The following C8orf76 variants were observed in gnomAD, a reference collection of about 807,000 sequenced individuals.
C8orf76 encodes the protein chromosome 8 open reading frame 76, also known as uncharacterized protein C8orf76.
In C8orf76, 46 loss-of-function variants were observed where a neutral mutation model predicts 38.1. The observed-to-expected ratio is 1.21, with a 90% confidence interval of 0.95 to 1.54. C8orf76 has a LOEUF of 1.54. C8orf76 is among the 40% of genes most tolerant of loss of function. The probability of loss-of-function intolerance (pLI) is 0.00; values close to 1 mark genes in which losing one functional copy is unlikely to be tolerated. For synonymous variants in C8orf76, 166 were observed against 167.5 expected, an observed-to-expected ratio of 0.99 and a Z score of 0.07; for missense variants, 461 against 441.6, an observed-to-expected ratio of 1.04 and a Z score of -0.39.
chr8:123,240,295 GC>G (rs908186968), intron 1 of C8orf76, among the ~76,000 whole-genome samples: 2 of 152,126 alleles, frequency 1.3e-5, no homozygotes, highest in African/African-American at 4.8e-5. Context: ...ATGATCCAGG[GC>G]TGAAGGTAAC....
intron 4 of C8orf76, among the ~76,000 whole-genome samples, chr8:123,230,249 C>A (rs1317670740): frequency 1.3e-5 from 2 of 152,070 alleles, no homozygotes; most frequent in African/African-American, 2.4e-5. Context: ...ACTTGGTATC[C>A]CTAGGCACAA....
chr8:123,238,397 CCTT>C (rs1233200950), intron 2 of C8orf76, among the ~76,000 whole-genome samples: 1 of 151,606 alleles, frequency 6.6e-6, no homozygotes, highest in Non-Finnish European at 1.5e-5. Flanking sequence ...GTCCATTAAA[CCTT>C]TTTTTTTTTA....
At chr8:123,235,621 G>A (rs890005444) in intron 3 of C8orf76, among the ~76,000 whole-genome samples, 4 of 152,184 alleles carry the variant, frequency 2.6e-5, no homozygotes, top group Admixed American at 1.3e-4. Flanking sequence ...TTGCCAGGAC[G>A]CCTGATGCAC....
intron 1 of C8orf76, among the ~76,000 whole-genome samples, chr8:123,241,027 G>A (rs1347886350): frequency 1.3e-5 from 2 of 152,228 alleles, no homozygotes; most frequent in Admixed American, 6.5e-5. Context: ...CTTACAACGC[G>A]GGGATTCTCG....
intron 3 of C8orf76, among the ~76,000 whole-genome samples, chr8:123,235,715 T>C (rs1422521991): frequency 6.6e-6 from 1 of 152,094 alleles, no homozygotes; most frequent in African/African-American, 2.4e-5. Flanking sequence ...CATCGGCTGA[T>C]TGGCAACAGA....
intron 3 of C8orf76, among the ~76,000 whole-genome samples, chr8:123,235,998 G>C (rs1825461115): frequency 6.6e-6 from 1 of 152,186 alleles, no homozygotes; most frequent in Non-Finnish European, 1.5e-5. Flanking sequence ...TCATGCAAAC[G>C]CTTAGGAAGT....
At position 123,236,485 on chromosome 8, in the gene C8orf76, AT is replaced by A. The variant is rs746333539; in HGVS notation, c.357+1312del. Among the ~76,000 whole-genome samples, 37 of 152,044 alleles carry A rather than the reference AT, an allele frequency of 2.4e-4. 1 individual carries two copies. In the East Asian group the frequency reaches 3.7e-3, roughly 15 times the overall value. ...AGAATGTGTGGAAAAAGGCAATAAA[AT>A]TTTTTTTTAAAGAAAAAGAAGGCCG... On this transcript the variant is annotated intron_variant, in intron 3 of 5. Transcript: ENST00000276704.
At chr8:123,221,568 T>A (rs1824895630) in intron 5 of C8orf76, among the ~76,000 whole-genome samples, 1 of 152,176 alleles carries the variant, frequency 6.6e-6, no homozygotes, top group Non-Finnish European at 1.5e-5. Context: ...CCAAAGTAGC[T>A]GGGACTACAG....
chr8:123,223,650 T>C (rs912307136), intron 5 of C8orf76, among the ~76,000 whole-genome samples: 4 of 152,158 alleles, frequency 2.6e-5, no homozygotes, highest in African/African-American at 9.7e-5. Context: ...AACATACTTA[T>C]ATGCTAATGT....
chr8:123,239,217 A>C, intron 1 of C8orf76, 73 bp from the exon 2 acceptor site: 3 of 1,488,368 alleles, frequency 2.0e-6, no homozygotes, highest in Middle Eastern at 3.5e-4. Flanking sequence ...GCAATTTCCC[A>C]TAATATAATT....
intron 2 of C8orf76, 100 bp downstream of exon 2, chr8:123,238,949 C>T (rs1401294714): frequency 1.6e-6 from 2 of 1,216,904 alleles, no homozygotes; most frequent in African/African-American, 3.0e-5. Flanking sequence ...AGATTAAACT[C>T]ATCTTCATAA....
At chr8:123,229,874 G>A (rs192285351) in intron 4 of C8orf76, among the ~76,000 whole-genome samples, 6 of 152,146 alleles carry the variant, frequency 3.9e-5, no homozygotes, top group Admixed American at 6.5e-5. Context: ...AAAATTAGCC[G>A]GGTGTGGTGG....
At chr8:123,241,061 G>A (rs1380791941) in intron 1 of C8orf76, among the ~76,000 whole-genome samples, 169 bp downstream of exon 1, 4 of 152,230 alleles carry the variant, frequency 2.6e-5, no homozygotes, top group Non-Finnish European at 5.9e-5. Flanking sequence ...AATGGGGCCT[G>A]GGAAAGCCGC....
intron 2 of C8orf76, 80 bp downstream of exon 2, chr8:123,238,969 T>C (rs1825590637): frequency 2.8e-6 from 4 of 1,414,452 alleles, no homozygotes; most frequent in African/African-American, 1.4e-5. Flanking sequence ...AACACCACAC[T>C]AACTTGGTAC....
intron 3 of C8orf76, among the ~76,000 whole-genome samples, chr8:123,233,705 A>G (rs1204165321): frequency 6.7e-6 from 1 of 149,616 alleles, no homozygotes; most frequent in Non-Finnish European, 1.5e-5. Flanking sequence ...GGGTTTTGAG[A>G]GGTGGATTAG....
In C8orf76 at chr8:123,231,765, G is replaced by GAAA. The variant is rs3214807; in HGVS notation, c.358-11_358-9dup. Reference sequence around the variant, plus strand: ...GTTGGTTGCTTTATTTTCCTAAGGAGAAAAAAAAAAGGTTAAGAAGTTTAA... The same window carrying GAAA: ...GTTGGTTGCTTTATTTTCCTAAGGAGAAAAAAAAAAAAAGGTTAAGAAGTTTAA... On this transcript the variant is annotated splice_polypyrimidine_tract_variant and intron_variant, in intron 3 of 5. Transcript: ENST00000276704. 8.6e-6 allele frequency: 12 copies of GAAA among 1,392,102 alleles called. No individual in the cohort carries two copies. The highest frequency in any genetic ancestry group is 4.5e-5 in the African/African-American group (3 of 66,814). 86.2% of individuals were successfully genotyped at this position (1,392,102 alleles called of 1,614,324 possible).
At chr8:123,221,026 T>C (rs1047165809) in intron 5 of C8orf76, among the ~76,000 whole-genome samples, 8 of 152,228 alleles carry the variant, frequency 5.3e-5, no homozygotes, top group Non-Finnish European at 1.0e-4. Flanking sequence ...AGAGGGAATT[T>C]AAGTTCCACA....
intron 5 of C8orf76, among the ~76,000 whole-genome samples, chr8:123,221,399 G>A (rs757626866): frequency 4.6e-5 from 7 of 152,140 alleles, no homozygotes; most frequent in East Asian, 1.9e-4. Context: ...GTTAGAGAAC[G>A]GCCAGGGCAA....
In C8orf76 at chr8:123,230,691, G is replaced by A. The variant is rs541545369; in HGVS notation, c.815+609C>T. Among the ~76,000 whole-genome samples the A allele has an allele frequency of 8.8e-5, 13 of 148,554 alleles. No homozygotes were observed. The South Asian group carries it at 1.7e-3, about 20-fold the overall frequency. ...TTTTGAGACGGAGTCTTGCCCTGTC[G>A]CCAGGCTGGAGTGCAGTGGCACGAT... On this transcript the variant is annotated intron_variant, in intron 4 of 5. Coordinates refer to ENST00000276704, the MANE Select transcript of C8orf76 (RefSeq NM_032847.3).
Sources: allele counts gnomAD v4.1 joint callset (sites outside exome capture counted in the v4.1 genomes callset), GRCh38; gene constraint gnomAD v4.1.1; transcripts MANE v1.5; gene names NCBI Gene and HGNC (gene_info 2026-07-23, HGNC 2026-07-21).